Variants in SPTB observed in about 807,000 individuals in gnomAD.
SPTB encodes the protein spectrin beta chain, erythrocytic.
A neutral mutation model predicts 256.2 loss-of-function variants in SPTB; 45 were observed. The observed-to-expected ratio is 0.18, with a 90% confidence interval of 0.14 to 0.23. The LOEUF (loss-of-function observed/expected upper bound fraction) is 0.23. Ranked by LOEUF, SPTB falls within the 10% of genes least tolerant of loss-of-function variation. The probability of loss-of-function intolerance (pLI) is 1.00; values close to 1 mark genes in which losing one functional copy is unlikely to be tolerated. For missense variants in SPTB, 2,715 were observed against 3,040.4 expected, an observed-to-expected ratio of 0.89 and a Z score of 2.52; for synonymous variants, 1,231 against 1,243.1, an observed-to-expected ratio of 0.99 and a Z score of 0.21.
intron 8 of SPTB, among the ~76,000 whole-genome samples, chr14:64,800,249 G>T (rs896391376): frequency 2.6e-5 from 4 of 152,254 alleles, no homozygotes; most frequent in Non-Finnish European, 5.9e-5. Context: ...GGGGGCCAGG[G>T]TTTTGTTTAT....
chr14:64,854,767 G>A (rs963226950), intron 1 of SPTB, among the ~76,000 whole-genome samples: 9 of 152,124 alleles, frequency 5.9e-5, no homozygotes, highest in East Asian at 1.9e-4. Context: ...CCAGGATGCC[G>A]GCAGGCCAAG....
At chr14:64,820,563 C>A (rs2269292) in intron 2 of SPTB, among the ~76,000 whole-genome samples, 16,427 of 152,294 alleles carry the variant, frequency 0.11, 976 homozygotes, top group South Asian at 0.22. Flanking sequence ...GTGGCTTTTC[C>A]TCTCCCTGGG....
Position 64,753,666 on chromosome 14 carries a change from G to T in SPTB, c.6473C>A (p.Thr2158Lys), listed in dbSNP as rs187548635. The change falls in exon 33 of 36, where the codon ACG (threonine) becomes AAG (lysine). Residue 2158 changes from threonine to lysine, a missense_variant. Physicochemically the swap from Thr to Lys is moderately conservative, Grantham distance 78. Transcript: ENST00000644917. ...TTEPLFKVLDTPLSEGDEPAT... is the reference protein window; with the variant it reads ...TTEPLFKVLDKPLSEGDEPAT... The stretch of plus-strand genomic sequence containing the variant: ...GGGCTCATCACCCTCGCTCAGAGGC[G>T]TATCTAGGACCTTAAAGAGGGGCTC... 2 of 1,613,710 alleles carry T rather than the reference G, an allele frequency of 1.2e-6. No individual in the cohort carries two copies. The highest frequency in any genetic ancestry group is 1.7e-6 in the Non-Finnish European group (2 of 1,180,028).
chr14:64,810,304 G>A (rs1306333019), intron 2 of SPTB, among the ~76,000 whole-genome samples: 2 of 152,148 alleles, frequency 1.3e-5, no homozygotes, highest in Non-Finnish European at 2.9e-5. Context: ...AGCAGGAAAA[G>A]TTAGTTACAT....
At position 64,782,443 on chromosome 14, in the gene SPTB, C is replaced by T. The variant is rs767743872; in HGVS notation, c.4113G>A (p.Lys1371=). 4 of 1,614,028 alleles carry T rather than the reference C, an allele frequency of 2.5e-6. No individual in the cohort carries two copies. The highest frequency in any genetic ancestry group is 2.2e-5 in the East Asian group (1 of 44,894). The part of the protein sequence containing the change: ...WDELQATTKE[K]TQHLSAARSS... ...TCCTGGCAGCCGAGAGGTGCTGGGT[C>T]TTCTCCTTTGTGGTGGCCTGCAGCT... The change falls in exon 20 of 36, where the codon AAG becomes AAA. Residue 1371 remains lysine (K), a synonymous_variant. Coordinates refer to ENST00000644917, the MANE Select transcript of SPTB (RefSeq NM_001355436.2).
At chr14:64,869,332 T>G (rs2828) in intron 1 of SPTB, among the ~76,000 whole-genome samples, 88,643 of 152,120 alleles carry the variant, frequency 0.58, 28,323 homozygotes, top group Non-Finnish European at 0.72. Flanking sequence ...TAAAATTATA[T>G]GAACTTAGTT....
chr14:64,864,950 G>A (rs1882075197), intron 1 of SPTB, among the ~76,000 whole-genome samples: 2 of 152,074 alleles, frequency 1.3e-5, no homozygotes, highest in Non-Finnish European at 2.9e-5. Context: ...CTCCCCTCTG[G>A]ATCTCCTTTA....
At chr14:64,768,159 A>C in intron 29 of SPTB, 1 of 465,136 alleles carries the variant, frequency 2.1e-6, no homozygotes, top group East Asian at 4.4e-5. Flanking sequence ...CTCCCATCTC[A>C]GCCTACCAAG....
At chr14:64,851,511 T>A (rs1399562480) in intron 1 of SPTB, among the ~76,000 whole-genome samples, 1 of 152,138 alleles carries the variant, frequency 6.6e-6, no homozygotes, top group African/African-American at 2.4e-5. Context: ...GTAGTAGTAG[T>A]AGCAGCAGTA....
chr14:64,847,336 C>T lies in SPTB; in HGVS notation c.-51-24191G>A, dbSNP rs1041062427. 3.3e-5 allele frequency among the ~76,000 whole-genome samples: 5 copies of T among 152,158 alleles called. No homozygotes were observed. Among genetic ancestry groups the T allele is most frequent in the African/African-American group, 1.2e-4 (5 of 41,442 alleles). ...TCCACATGAAAAAGAATGGGCGGAA[C>T]AAATCAGACAGCCCTCTTCCAAGTG... is the stretch of plus-strand genomic sequence containing the variant. On this transcript the variant is annotated intron_variant, in intron 1 of 35. Coordinates refer to ENST00000644917, the MANE Select transcript of SPTB (RefSeq NM_001355436.2). This position sits in a 1 kb window ranked among gnomAD's most constrained non-coding sequence, Gnocchi z 5.9.
chr14:64,828,353 G>T (rs571343593), intron 1 of SPTB, among the ~76,000 whole-genome samples: 1 of 152,296 alleles, frequency 6.6e-6, no homozygotes, highest in African/African-American at 2.4e-5. Context: ...ACAGGATTTG[G>T]TTGGGGAACA....
In SPTB at chr14:64,786,533, C is replaced by G; in HGVS notation, c.3432G>C (p.Glu1144Asp). The change falls in exon 16 of 36, where the codon GAG (glutamate) becomes GAC (aspartate). Residue 1144 changes from glutamate to aspartate, a missense_variant. This residue lies in a region of SPTB where 2,239 missense variants were observed against 2,384.4 expected (regional missense o/e 0.94). Transcript: ENST00000644917. This position sits in a 1 kb window ranked among gnomAD's most constrained non-coding sequence, Gnocchi z 5.6. ...PEYLLLGQRL[E>D]GLDTGWNALG... ...GGGCATTCCAGCCAGTATCCAGGCC[C>G]TCCAGCCGCTGGCCCAGAAGCAGAT... 4 of 1,614,190 alleles carry G rather than the reference C, an allele frequency of 2.5e-6. No individual in the cohort carries two copies. The highest frequency in any genetic ancestry group is 3.4e-6 in the Non-Finnish European group (4 of 1,180,038).
intron 1 of SPTB, among the ~76,000 whole-genome samples, chr14:64,859,201 C>A (rs1246149281): frequency 6.6e-6 from 1 of 152,126 alleles, no homozygotes; most frequent in Admixed American, 6.5e-5. Context: ...TTGCAGTGAG[C>A]CAAGATCGCA....
At position 64,793,632 on chromosome 14, in the gene SPTB, G is replaced by A. The variant is rs1448096165; in HGVS notation, c.2031C>T (p.Arg677=). 4 of 1,614,188 alleles carry A rather than the reference G, an allele frequency of 2.5e-6. No individual in the cohort carries two copies. Residue 677 remains arginine (R), a synonymous_variant, in exon 14 of 36, where the codon CGC becomes CGT. Coordinates refer to ENST00000644917, the MANE Select transcript of SPTB (RefSeq NM_001355436.2). This position sits in a 1 kb window ranked among gnomAD's most constrained non-coding sequence, Gnocchi z 7.0. The part of the protein sequence containing the change: ...KDLTSVLILQ[R]KHKAFEDELR... ...GCTCATCCTCAAAGGCCTTGTGCTT[G>A]CGCTGTAAGATGAGCACACTGGTCA...
intron 1 of SPTB, among the ~76,000 whole-genome samples, chr14:64,858,609 G>C (rs897800797): frequency 9.2e-5 from 14 of 152,094 alleles, no homozygotes; most frequent in Admixed American, 8.5e-4. Context: ...GGAAGGAAAA[G>C]AAGACAGGAA....
In SPTB at chr14:64,753,510, T is replaced by C. The variant is rs766909882; in HGVS notation, c.6602+27A>G. On this transcript the variant is annotated intron_variant, in intron 33 of 35. Transcript: ENST00000644917. Reference sequence around the variant, plus strand: ...TCCCTGAGAGCTGCCCAACCTACCCTCAGCCAGCAGCCTCTCCCGCACTCA... The same window carrying C: ...TCCCTGAGAGCTGCCCAACCTACCCCCAGCCAGCAGCCTCTCCCGCACTCA... The C allele has an allele frequency of 5.0e-6, 8 of 1,612,582 alleles. No individual in the cohort carries two copies. The African/African-American group carries it at 9.4e-5, about 19-fold the overall frequency.
chr14:64,822,464 C>G (rs1358442333), intron 2 of SPTB, among the ~76,000 whole-genome samples: 6 of 147,234 alleles, frequency 4.1e-5, no homozygotes, highest in Non-Finnish European at 9.0e-5. Context: ...TGAAAGGTTT[C>G]ATCAAGAAAA....
At chr14:64,876,204 C>T (rs539506696) in intron 1 of SPTB, among the ~76,000 whole-genome samples, 8 of 152,234 alleles carry the variant, frequency 5.3e-5, no homozygotes, top group African/African-American at 1.2e-4. Flanking sequence ...TGCAGTGGCG[C>T]GATGTCGGTT....
chr14:64,774,448 T>C lies in SPTB; in HGVS notation c.4922A>G (p.Lys1641Arg), dbSNP rs1293840327. 1.9e-6 allele frequency: 3 copies of C among 1,570,916 alleles called. No individual in the cohort carries two copies. Among genetic ancestry groups the C allele is most frequent in the Non-Finnish European group, 2.6e-6 (3 of 1,157,884 alleles). Residue 1641 changes from lysine to arginine, a missense_variant, in exon 24 of 36, where the codon AAG becomes AGG. Coordinates refer to ENST00000644917, the MANE Select transcript of SPTB (RefSeq NM_001355436.2). ...RAVEDYGRNI[K>R]QLASRAQGLL... Reference sequence around the variant, plus strand: ...GCCCTGGGCCCGGCTGGCCAGCTGCTTGATGTTCCGGCCGTAGTCCTCCAC... The same window carrying C: ...GCCCTGGGCCCGGCTGGCCAGCTGCCTGATGTTCCGGCCGTAGTCCTCCAC...
Sources: gnomAD v4.1 joint callset for allele counts (sites outside exome capture counted in the v4.1 genomes callset) on GRCh38, gnomAD v4.1.1 for gene constraint, gnomAD v4.1.1 regional missense constraint, Gnocchi (gnomAD v3.1) non-coding constraint, MANE v1.5 for transcripts, NCBI Gene and HGNC (gene_info 2026-07-23, HGNC 2026-07-21) for gene names.